The following SHLD2 variants were observed in gnomAD, a reference collection of about 807,000 sequenced individuals.
SHLD2 encodes RINN1-REV7-interacting novel NHEJ regulator 2.
SHLD2 carries 30 observed loss-of-function variants against 73.2 expected under a neutral mutation model. That is an observed-to-expected ratio of 0.41 (90% CI 0.31 to 0.56). The LOEUF (loss-of-function observed/expected upper bound fraction) is 0.56. Among genes scored for constraint, SHLD2 ranks in the 20% least tolerant of loss-of-function variants. The pLI is 0.28. For missense variants in SHLD2, 745 were observed against 1,055.9 expected (o/e 0.71, Z 4.08); for synonymous variants, 285 against 370.1 (o/e 0.77, Z 2.64).
chr10:87,189,984 G>T (rs1447307970), intron 9 of SHLD2, among the ~76,000 whole-genome samples: 1 of 152,128 alleles, frequency 6.6e-6, no homozygotes, highest in Admixed American at 6.5e-5. Flanking sequence ...GTGTCAGGGG[G>T]ATCACATGCC....
intron 2 of SHLD2, among the ~76,000 whole-genome samples, chr10:87,130,288 A>G (rs1319724478): frequency 7.1e-6 from 1 of 140,436 alleles, no homozygotes; most frequent in Non-Finnish European, 1.5e-5. Context: ...CTGAAAAGGG[A>G]GAGGTCTTTT....
intron 2 of SHLD2, among the ~76,000 whole-genome samples, chr10:87,097,208 C>G (rs944983578): frequency 6.6e-6 from 1 of 152,110 alleles, no homozygotes; most frequent in Non-Finnish European, 1.5e-5. Flanking sequence ...TAACCTTAGC[C>G]TTCAGAAAAA....
chr10:87,098,775 TTTTTTA>T (rs1340996642), intron 2 of SHLD2, among the ~76,000 whole-genome samples: 8 of 152,310 alleles, frequency 5.3e-5, no homozygotes, highest in African/African-American at 1.7e-4. Context: ...AGTAAGGTTT[TTTTTTA>T]TTTTTATTTT....
chr10:87,180,021 T>C lies in SHLD2; in HGVS notation c.2171-54T>C. 3 of 1,356,118 alleles carry C rather than the reference T, an allele frequency of 2.2e-6. No individual in the cohort carries two copies. In the South Asian group the frequency reaches 3.5e-5, roughly 16 times the overall value. 84.0% of individuals were successfully genotyped at this position (1,356,118 alleles called of 1,614,324 possible). A position where few individuals can be genotyped will look rare whatever the true frequency, so the allele number is the denominator to read the frequency against. ...TATAAAATTAGCCATGTTTGTAAAT[T>C]AAAGTTATAATTTTGGCCCAATAAT... On this transcript the variant is annotated intron_variant, in intron 7 of 9. Coordinates refer to ENST00000298786, the MANE Select transcript of SHLD2 (RefSeq NM_001330112.2).
chr10:87,180,431 T>G, intron 8 of SHLD2, 128 bp downstream of exon 8: 1 of 1,258,712 alleles, frequency 7.9e-7, no homozygotes. Context: ...ATTTTCCGAG[T>G]GATAGATAGC....
chr10:87,106,083 A>T (rs1177441613), intron 2 of SHLD2, among the ~76,000 whole-genome samples: 2 of 151,860 alleles, frequency 1.3e-5, no homozygotes, highest in African/African-American at 4.8e-5. Flanking sequence ...GGCTCACTGG[A>T]ACCTCCGCCT....
At chr10:87,103,226 T>A (rs768994746) in intron 2 of SHLD2, among the ~76,000 whole-genome samples, 94 of 152,132 alleles carry the variant, frequency 6.2e-4, no homozygotes, top group African/African-American at 1.1e-3. Flanking sequence ...AAATTTTTTT[T>A]AATAAATAAA....
chr10:87,138,137 A>G (rs1844927555), intron 2 of SHLD2, among the ~76,000 whole-genome samples: 1 of 152,106 alleles, frequency 6.6e-6, no homozygotes, highest in South Asian at 2.1e-4. Flanking sequence ...GTCTCTACTA[A>G]AAATACAAAA....
Position 87,164,678 on chromosome 10 carries a change from A to T in SHLD2, c.1634-5800A>T, listed in dbSNP as rs550312128. Among the ~76,000 whole-genome samples, 222 of 152,096 alleles carry T rather than the reference A, an allele frequency of 1.5e-3. 3 individuals are homozygous for T. The East Asian group carries it at 0.035, about 24-fold the overall frequency. The stretch of plus-strand genomic sequence containing the variant: ...CAGACAAGACATGTTGAAATAATGC[A>T]AGAGCCAACCTGAAGGAACACCTAC... On this transcript the variant is annotated intron_variant, in intron 4 of 9. Coordinates refer to ENST00000298786, the MANE Select transcript of SHLD2 (RefSeq NM_001330112.2).
chr10:87,137,158 C>T (rs1404670294), intron 2 of SHLD2, among the ~76,000 whole-genome samples: 1 of 151,836 alleles, frequency 6.6e-6, no homozygotes, highest in Non-Finnish European at 1.5e-5. Flanking sequence ...GAAGAAGACC[C>T]AGAGATGATC....
chr10:87,098,902 A>C (rs993637125), intron 2 of SHLD2, among the ~76,000 whole-genome samples: 1 of 152,038 alleles, frequency 6.6e-6, no homozygotes, highest in African/African-American at 2.4e-5. Flanking sequence ...CAGCCTCCTG[A>C]GTAGCTAGGA....
chr10:87,109,367 C>T (rs950732664), intron 2 of SHLD2, among the ~76,000 whole-genome samples: 12 of 150,882 alleles, frequency 8.0e-5, no homozygotes, highest in Non-Finnish European at 1.5e-4. Context: ...GGCTCGATCT[C>T]GGCTCACTGC....
chr10:87,175,667 G>C (rs1847908238), intron 6 of SHLD2, among the ~76,000 whole-genome samples: 1 of 152,106 alleles, frequency 6.6e-6, no homozygotes, highest in Admixed American at 6.6e-5. Flanking sequence ...CTGGGCAACA[G>C]AGTGAGACTC....
intron 4 of SHLD2, among the ~76,000 whole-genome samples, chr10:87,169,929 T>C (rs1847472535): frequency 1.3e-5 from 2 of 152,192 alleles, no homozygotes; most frequent in South Asian, 4.1e-4. Flanking sequence ...TGGTAATCAT[T>C]CTATGTGGTA....
intron 4 of SHLD2, among the ~76,000 whole-genome samples, chr10:87,163,224 G>A (rs187766465): frequency 6.6e-6 from 1 of 152,280 alleles, no homozygotes; most frequent in East Asian, 1.9e-4. Context: ...ACTGTATGTA[G>A]TATGCTGTCC....
intron 2 of SHLD2, among the ~76,000 whole-genome samples, chr10:87,134,447 C>T (rs892781704): frequency 3.3e-5 from 5 of 152,026 alleles, no homozygotes; most frequent in African/African-American, 7.2e-5. Context: ...TTAATGGCCA[C>T]GTATGGGCTG....
At chr10:87,135,235 T>G (rs1844719602) in intron 2 of SHLD2, among the ~76,000 whole-genome samples, 1 of 152,080 alleles carries the variant, frequency 6.6e-6, no homozygotes, top group African/African-American at 2.4e-5. Context: ...TATATTTTCA[T>G]TAACTAAAGT....
At chr10:87,110,610 A>G (rs1365640577) in intron 2 of SHLD2, among the ~76,000 whole-genome samples, 1 of 151,358 alleles carries the variant, frequency 6.6e-6, no homozygotes, top group Non-Finnish European at 1.5e-5. Flanking sequence ...CCATCTCAAA[A>G]AAAAAAAAAA....
intron 4 of SHLD2, among the ~76,000 whole-genome samples, chr10:87,170,087 G>C (rs961278985): frequency 2.6e-5 from 4 of 152,176 alleles, no homozygotes; most frequent in African/African-American, 9.7e-5. Context: ...GCAGAGGATA[G>C]GATAGTTGGG....
Sources: allele counts gnomAD v4.1 joint callset (sites outside exome capture counted in the v4.1 genomes callset), GRCh38; gene constraint gnomAD v4.1.1; transcripts MANE v1.5; gene names NCBI Gene and HGNC (gene_info 2026-07-23, HGNC 2026-07-21).